Variants in PCDHGA2 observed in about 807,000 individuals in gnomAD.
PCDHGA2 encodes protocadherin gamma subfamily A, 2, also known as protocadherin gamma-A2.
PCDHGA2 carries 40 observed loss-of-function variants against 59.2 expected under a neutral mutation model. The ratio of observed to expected loss-of-function variants is 0.68; its 90% CI spans 0.52 to 0.88. The LOEUF (loss-of-function observed/expected upper bound fraction) is 0.88. Ranked by LOEUF, PCDHGA2 falls within the 40% of genes least tolerant of loss-of-function variation. The pLI is 0.00. For missense variants in PCDHGA2, 1,226 were observed against 1,204.0 expected (o/e 1.02, Z -0.27); for synonymous variants, 560 against 526.0 (o/e 1.06, Z -0.89).
intron 1 of PCDHGA2, chr5:141,341,847 C>T (rs1450250488): frequency 1.1e-5 from 2 of 183,084 alleles, no homozygotes; most frequent in Non-Finnish European, 1.1e-5. Flanking sequence ...TGTTAGTTGG[C>T]TAGTTCTTTC....
In PCDHGA2 at chr5:141,477,013, T is replaced by A. The variant is rs1285961519; in HGVS notation, c.2425-17794T>A. On this transcript the variant is annotated intron_variant, in intron 1 of 3. Coordinates refer to ENST00000394576, the MANE Select transcript of PCDHGA2 (RefSeq NM_018915.4). This position sits in a 1 kb window ranked among gnomAD's most constrained non-coding sequence, Gnocchi z 4.9. ...TGCGGCAACTATTCGCCTTAGACCT[T>A]GTAACCGGGATGCTGACAATCAAGG... is the stretch of plus-strand genomic sequence containing the variant. 6.2e-7 allele frequency: 1 copy of A among 1,614,204 alleles called. No individual in the cohort carries two copies. The highest frequency in any genetic ancestry group is 2.2e-5 in the East Asian group (1 of 44,878).
In PCDHGA2 at chr5:141,432,896, G is replaced by A. The variant is rs2097547014; in HGVS notation, c.2425-61911G>A. On this transcript the variant is annotated intron_variant, in intron 1 of 3. Transcript: ENST00000394576. This position sits in a 1 kb window ranked among gnomAD's most constrained non-coding sequence, Gnocchi z 6.0. ...CCTGGCCTTCGTCATCTTGCTGCTG[G>A]CGCTCAGGCTGCGGCGCTGGCACAA... is the stretch of plus-strand genomic sequence containing the variant. 6.2e-7 allele frequency: 1 copy of A among 1,614,056 alleles called. No homozygotes were observed. Among genetic ancestry groups the A allele is most frequent in the African/African-American group, 1.3e-5 (1 of 74,946 alleles).
chr5:141,415,227 T>A, intron 1 of PCDHGA2: 2 of 1,614,126 alleles, frequency 1.2e-6, no homozygotes, highest in African/African-American at 2.7e-5. Context: ...GCTTCGAGTC[T>A]CCAGCTAACT....
intron 1 of PCDHGA2, among the ~76,000 whole-genome samples, chr5:141,465,130 AAG>A (rs1277023430): frequency 2.6e-5 from 4 of 151,968 alleles, no homozygotes; most frequent in Non-Finnish European, 5.9e-5. Flanking sequence ...AATTTGTAAA[AAG>A]TTTAGGGGAT....
intron 2 of PCDHGA2, among the ~76,000 whole-genome samples, chr5:141,503,324 C>T (rs1389385473): frequency 7.9e-5 from 12 of 152,014 alleles, no homozygotes; most frequent in South Asian, 2.1e-4. Context: ...TGGAGGGGCG[C>T]GGTGGCTCAC....
At chr5:141,474,888 G>T (rs1349812637) in intron 1 of PCDHGA2, among the ~76,000 whole-genome samples, 1 of 152,176 alleles carries the variant, frequency 6.6e-6, no homozygotes, top group Non-Finnish European at 1.5e-5. Context: ...ACTCTTAGAG[G>T]TTCATTTCTT....
intron 1 of PCDHGA2, chr5:141,374,002 C>A (rs1770015960): frequency 1.5e-6 from 2 of 1,320,574 alleles, no homozygotes; most frequent in South Asian, 4.1e-5. Flanking sequence ...AGGACCTTCA[C>A]CGCTATTTCT....
intron 1 of PCDHGA2, chr5:141,399,671 C>T (rs764084700): frequency 1.2e-6 from 2 of 1,613,512 alleles, no homozygotes; most frequent in East Asian, 4.5e-5. Flanking sequence ...GCGCAGCGCG[C>T]CTTTGACTAC....
chr5:141,344,740 A>C (rs754590886), intron 1 of PCDHGA2: 2 of 1,613,990 alleles, frequency 1.2e-6, no homozygotes, highest in South Asian at 2.2e-5. Context: ...CTGGATGCAA[A>C]TGACAACCCA....
chr5:141,375,790 A>T, intron 1 of PCDHGA2: 1 of 1,614,216 alleles, frequency 6.2e-7, no homozygotes. Context: ...CCCTCCCCAC[A>T]GACGGTTCCA....
At chr5:141,379,214 T>A (rs1775449550) in intron 1 of PCDHGA2, 1 of 152,234 alleles carries the variant, frequency 6.6e-6, no homozygotes, top group Non-Finnish European at 1.5e-5. Flanking sequence ...CTGCTAAGAG[T>A]AATATGTGTT....
intron 1 of PCDHGA2, chr5:141,364,431 C>A (rs1210490734): frequency 6.2e-7 from 1 of 1,613,754 alleles, no homozygotes; most frequent in Admixed American, 1.7e-5. Flanking sequence ...ATCCGCTACT[C>A]GATGCCGGAG....
In PCDHGA2 at chr5:141,351,104, C is replaced by T. The variant is rs758554557; in HGVS notation, c.2424+9709C>T. ...GATCACCTATGCCTTCCTCAATTCC[C>T]CAATAAGTACCAGCCTCTTCAATCT... On this transcript the variant is annotated intron_variant, in intron 1 of 3. Coordinates refer to ENST00000394576, the MANE Select transcript of PCDHGA2 (RefSeq NM_018915.4). 4.3e-6 allele frequency: 7 copies of T among 1,614,064 alleles called. No homozygotes were observed. The South Asian group carries it at 7.7e-5, about 18-fold the overall frequency.
rs1591273286 is a variant in PCDHGA2, at chr5:141,433,311, T to A, written c.2425-61496T>A. 11 of 870,402 alleles carry A rather than the reference T, an allele frequency of 1.3e-5. No individual in the cohort carries two copies. The East Asian group carries it at 2.9e-4, about 23-fold the overall frequency. 53.9% of individuals were successfully genotyped at this position (870,402 alleles called of 1,614,324 possible). A position where few individuals can be genotyped will look rare whatever the true frequency, so the allele number is the denominator to read the frequency against. On this transcript the variant is annotated intron_variant, in intron 1 of 3. Coordinates refer to ENST00000394576, the MANE Select transcript of PCDHGA2 (RefSeq NM_018915.4). Reference sequence around the variant, plus strand: ...TAGGCTCAAGCAATTATCCCACCTTTGCCTCCGGTGTAACAGGGACTACAG... The same window carrying A: ...TAGGCTCAAGCAATTATCCCACCTTAGCCTCCGGTGTAACAGGGACTACAG...
At chr5:141,384,676 G>A in intron 1 of PCDHGA2, 4 of 1,614,214 alleles carry the variant, frequency 2.5e-6, no homozygotes, top group Non-Finnish European at 3.4e-6. Flanking sequence ...CAAGGTGGTG[G>A]CGGTGGACAA....
At chr5:141,372,149 C>T in intron 1 of PCDHGA2, 2 of 1,613,782 alleles carry the variant, frequency 1.2e-6, no homozygotes, top group Non-Finnish European at 1.7e-6. Context: ...CAGAGCCTGG[C>T]TACCTGGTGA....
chr5:141,448,912 T>C (rs1195715286), intron 1 of PCDHGA2, among the ~76,000 whole-genome samples: 1 of 152,152 alleles, frequency 6.6e-6, no homozygotes, highest in Non-Finnish European at 1.5e-5. Flanking sequence ...GCCACTGCAC[T>C]CCAGCCTGGG....
At chr5:141,398,006 A>G in intron 1 of PCDHGA2, 1 of 1,396,152 alleles carries the variant, frequency 7.2e-7, no homozygotes. Context: ...TCGGAAAAAG[A>G]ATCGTTTCCT....
chr5:141,506,645 A>G (rs1229614297), intron 3 of PCDHGA2, among the ~76,000 whole-genome samples: 3 of 152,188 alleles, frequency 2.0e-5, no homozygotes, highest in African/African-American at 7.2e-5. Context: ...CCCTCAGCAC[A>G]GGATTGGCAG....
Sources: gnomAD v4.1 joint callset for allele counts (sites outside exome capture counted in the v4.1 genomes callset) on GRCh38, gnomAD v4.1.1 for gene constraint, Gnocchi (gnomAD v3.1) non-coding constraint, MANE v1.5 for transcripts, NCBI Gene and HGNC (gene_info 2026-07-23, HGNC 2026-07-21) for gene names.